The following RAB3C variants were observed in gnomAD, a reference collection of about 807,000 sequenced individuals.
RAB3C encodes the protein ras-related protein Rab-3C.
A neutral mutation model predicts 26.4 loss-of-function variants in RAB3C; 17 were observed. The ratio of observed to expected loss-of-function variants is 0.64; its 90% CI spans 0.44 to 0.97. The LOEUF (loss-of-function observed/expected upper bound fraction) is 0.97, where lower values mean the gene tolerates loss of function less well. RAB3C is among the 50% of genes least tolerant of loss of function. The pLI is 0.00. For synonymous variants in RAB3C, 91 were observed against 95.9 expected, an observed-to-expected ratio of 0.95 and a Z score of 0.30; for missense variants, 242 against 281.9, an observed-to-expected ratio of 0.86 and a Z score of 1.01.
intron 2 of RAB3C, among the ~76,000 whole-genome samples, chr5:58,633,610 C>T (rs1747231065): frequency 6.6e-6 from 1 of 152,160 alleles, no homozygotes; most frequent in Non-Finnish European, 1.5e-5. Flanking sequence ...TTAAGAGATA[C>T]ATGAATAATC....
intron 2 of RAB3C, among the ~76,000 whole-genome samples, chr5:58,693,331 T>TAC (rs1415306545): frequency 3.2e-5 from 2 of 62,176 alleles, no homozygotes; most frequent in African/African-American, 1.4e-4. Flanking sequence ...ATTATATATA[T>TAC]ATGTGTATAT....
At chr5:58,640,260 T>A (rs574460052) in intron 2 of RAB3C, among the ~76,000 whole-genome samples, 1 of 152,314 alleles carries the variant, frequency 6.6e-6, no homozygotes, top group East Asian at 1.9e-4. Flanking sequence ...CCAATATGTC[T>A]GCCTGCTTTG....
chr5:58,811,480 TGTC>T (rs140319709), intron 3 of RAB3C, among the ~76,000 whole-genome samples: 15,595 of 152,060 alleles, frequency 0.1, 989 homozygotes, highest in East Asian at 0.17. Flanking sequence ...CAAAGGTAAA[TGTC>T]GTGTTGAAAG....
chr5:58,685,297 G>C (rs1404780042), intron 2 of RAB3C, among the ~76,000 whole-genome samples: 1 of 152,066 alleles, frequency 6.6e-6, no homozygotes, highest in Non-Finnish European at 1.5e-5. Context: ...GGCTGCATTC[G>C]TTCTGGAGGT....
intron 2 of RAB3C, among the ~76,000 whole-genome samples, chr5:58,663,836 G>A (rs1747951669): frequency 6.6e-6 from 1 of 152,178 alleles, no homozygotes; most frequent in Non-Finnish European, 1.5e-5. Context: ...GCAATTGGTG[G>A]CAGGAGTGTG....
chr5:58,754,527 G>A (rs1741607495), intron 3 of RAB3C, among the ~76,000 whole-genome samples: 1 of 152,270 alleles, frequency 6.6e-6, no homozygotes, highest in Non-Finnish European at 1.5e-5. Flanking sequence ...AGGACAGGAA[G>A]AGAGGTAACT....
chr5:58,622,801 G>T (rs574095271), intron 2 of RAB3C, among the ~76,000 whole-genome samples: 1 of 152,288 alleles, frequency 6.6e-6, no homozygotes, highest in South Asian at 2.1e-4. Flanking sequence ...CAGAAAACCA[G>T]AAAGACAAAG....
intron 2 of RAB3C, among the ~76,000 whole-genome samples, chr5:58,637,113 T>TTTTA (rs1747307029): frequency 1.3e-5 from 2 of 151,192 alleles, no homozygotes; most frequent in Admixed American, 6.6e-5. Context: ...TTTTTTTTTT[T>TTTTA]ACTATTCAGT....
intron 2 of RAB3C, among the ~76,000 whole-genome samples, chr5:58,666,810 C>G (rs1748011616): frequency 6.6e-6 from 1 of 152,144 alleles, no homozygotes. Flanking sequence ...GGAGTTGACT[C>G]AGAGGATAAT....
At chr5:58,799,467 A>G (rs979021743) in intron 3 of RAB3C, among the ~76,000 whole-genome samples, 1 of 152,194 alleles carries the variant, frequency 6.6e-6, no homozygotes, top group Non-Finnish European at 1.5e-5. Flanking sequence ...CTGATATTCA[A>G]GTCCAGGTCT....
intron 2 of RAB3C, among the ~76,000 whole-genome samples, chr5:58,673,439 A>G (rs1349819469): frequency 7.1e-6 from 1 of 140,416 alleles, no homozygotes; most frequent in Non-Finnish European, 1.5e-5. Context: ...TTCTCAACGA[A>G]CTAGTTATAC....
intron 4 of RAB3C, among the ~76,000 whole-genome samples, chr5:58,827,223 C>A (rs1040860049): frequency 6.6e-6 from 1 of 152,068 alleles, no homozygotes; most frequent in Non-Finnish European, 1.5e-5. Context: ...AGGGAGGAAA[C>A]CTGGGAGAGG....
chr5:58,732,625 A>G (rs1175482759), intron 3 of RAB3C, among the ~76,000 whole-genome samples: 1 of 152,182 alleles, frequency 6.6e-6, no homozygotes, highest in Admixed American at 6.6e-5. Flanking sequence ...CAAGAACTGA[A>G]TGGTAACCAC....
At chr5:58,676,484 C>A (rs1353297907) in intron 2 of RAB3C, among the ~76,000 whole-genome samples, 3 of 151,946 alleles carry the variant, frequency 2.0e-5, no homozygotes, top group Non-Finnish European at 4.4e-5. Flanking sequence ...ATGTGGGCAA[C>A]AGAGCAAGAC....
chr5:58,800,141 G>A (rs1579925248), intron 3 of RAB3C, among the ~76,000 whole-genome samples: 1 of 152,150 alleles, frequency 6.6e-6, no homozygotes, highest in South Asian at 2.1e-4. Context: ...TACACCTTAT[G>A]TTGCTACCTA....
chr5:58,832,700 G>T (rs999593351), intron 4 of RAB3C, among the ~76,000 whole-genome samples: 5 of 152,198 alleles, frequency 3.3e-5, no homozygotes, highest in Admixed American at 6.5e-5. Flanking sequence ...GACAATGTCT[G>T]AACCATGTCT....
intron 2 of RAB3C, among the ~76,000 whole-genome samples, chr5:58,629,330 A>G (rs938589087): frequency 2.0e-5 from 3 of 152,168 alleles, no homozygotes; most frequent in African/African-American, 7.2e-5. Flanking sequence ...GTATAAAGGA[A>G]GCAGCTGGAG....
chr5:58,675,239 T>A (rs1279580821), intron 2 of RAB3C, among the ~76,000 whole-genome samples: 4 of 152,042 alleles, frequency 2.6e-5, no homozygotes, highest in Admixed American at 2.6e-4. Flanking sequence ...CATTGAGACA[T>A]GGCATTGAAT....
At chr5:58,813,641 C>T (rs967046814) in intron 3 of RAB3C, among the ~76,000 whole-genome samples, 34 of 69,264 alleles carry the variant, frequency 4.9e-4, no homozygotes, top group South Asian at 7.8e-4. Context: ...TATACACACA[C>T]ACACACACAT....
Sources: gnomAD v4.1 joint callset for allele counts (sites outside exome capture counted in the v4.1 genomes callset) on GRCh38, gnomAD v4.1.1 for gene constraint, MANE v1.5 for transcripts, NCBI Gene and HGNC (gene_info 2026-07-23, HGNC 2026-07-21) for gene names.